The following NSL1 variants were observed in gnomAD, a reference collection of about 807,000 sequenced individuals.
The protein encoded by NSL1 is NSL1 component of MIS12 kinetochore complex.
NSL1 carries 11 observed loss-of-function variants against 25.4 expected under a neutral mutation model. The observed-to-expected ratio is 0.43, with a 90% confidence interval of 0.27 to 0.72. The LOEUF (loss-of-function observed/expected upper bound fraction) is 0.72. Ranked by LOEUF, NSL1 falls within the 30% of genes least tolerant of loss-of-function variation. The probability of loss-of-function intolerance (pLI) is 0.19; values close to 1 mark genes in which losing one functional copy is unlikely to be tolerated. For missense variants in NSL1, 330 were observed against 342.7 expected (o/e 0.96, Z 0.29); for synonymous variants, 118 against 120.6 (o/e 0.98, Z 0.14).
chr1:212,776,078 G>A (rs1190534109), intron 4 of NSL1, among the ~76,000 whole-genome samples: 39 of 152,098 alleles, frequency 2.6e-4, no homozygotes, highest in Non-Finnish European at 2.9e-5. Context: ...GCCTCCCAAA[G>A]TGCTGGGATT....
intron 2 of NSL1, among the ~76,000 whole-genome samples, chr1:212,786,793 GA>G (rs1660966048): frequency 6.6e-6 from 1 of 152,156 alleles, no homozygotes; most frequent in Non-Finnish European, 1.5e-5. Flanking sequence ...AGGTAAGAGT[GA>G]AACTCTGTCT....
chr1:212,779,164 G>A (rs1158966149), intron 4 of NSL1, among the ~76,000 whole-genome samples: 20 of 151,334 alleles, frequency 1.3e-4, no homozygotes, highest in East Asian at 2.0e-4. Flanking sequence ...CCCTCCGCCC[G>A]GCAACCACAC....
In NSL1 at chr1:212,741,011, C is replaced by G. The variant is rs573535864; in HGVS notation, c.500-1410G>C. On this transcript the variant is annotated intron_variant, in intron 4 of 5. Transcript: ENST00000366977. The stretch of plus-strand genomic sequence containing the variant: ...TAACATCACCACTATTACCTACATT[C>G]AAAATGGAAGGAAATGCTAAATTTC... Among the ~76,000 whole-genome samples, 11 of 152,160 alleles carry G rather than the reference C, an allele frequency of 7.2e-5. No individual in the cohort carries two copies. In the East Asian group the frequency reaches 2.1e-3, roughly 29 times the overall value.
intron 4 of NSL1, among the ~76,000 whole-genome samples, chr1:212,766,606 C>A (rs1193381173): frequency 1.3e-5 from 2 of 149,330 alleles, no homozygotes; most frequent in Non-Finnish European, 3.0e-5. Context: ...GATCGTGCCA[C>A]TGCACTCCAG....
At chr1:212,782,801 A>AT (rs1340557896) in intron 3 of NSL1, among the ~76,000 whole-genome samples, 1 of 152,234 alleles carries the variant, frequency 6.6e-6, no homozygotes, top group East Asian at 1.9e-4. Context: ...CTCAAAATGC[A>AT]TATTTCCATG....
chr1:212,768,997 G>A (rs899689983), intron 4 of NSL1, among the ~76,000 whole-genome samples: 2 of 151,960 alleles, frequency 1.3e-5, no homozygotes, highest in African/African-American at 4.8e-5. Context: ...AGTAAGCTAT[G>A]ATCACTCCAC....
intron 2 of NSL1, 45 bp from the exon 3 acceptor site, chr1:212,784,538 T>C: frequency 7.9e-7 from 1 of 1,273,382 alleles, no homozygotes; most frequent in Non-Finnish European, 1.1e-6. Flanking sequence ...TCCCTAAAAC[T>C]CATTGTTTAC....
At chr1:212,779,762 G>A (rs1571915745) in intron 4 of NSL1, among the ~76,000 whole-genome samples, 1 of 109,862 alleles carries the variant, frequency 9.1e-6, no homozygotes. Context: ...CCAGCCAGCC[G>A]CCCCGTCCGG....
At chr1:212,772,901 A>G (rs1346864331) in intron 4 of NSL1, among the ~76,000 whole-genome samples, 1 of 152,220 alleles carries the variant, frequency 6.6e-6, no homozygotes, top group Non-Finnish European at 1.5e-5. Flanking sequence ...AGGTATTTAT[A>G]GCCACTGATT....
chr1:212,771,133 G>C (rs1660086690), intron 4 of NSL1, among the ~76,000 whole-genome samples: 1 of 152,096 alleles, frequency 6.6e-6, no homozygotes, highest in Non-Finnish European at 1.5e-5. Context: ...GACCAACATG[G>C]AGAAACCCCA....
chr1:212,739,611 C>T lies in NSL1; in HGVS notation c.500-10G>A. On this transcript the variant is annotated splice_polypyrimidine_tract_variant and intron_variant, in intron 4 of 5. Coordinates refer to ENST00000366977, the MANE Select transcript of NSL1 (RefSeq NM_015471.4). Reference sequence around the variant, plus strand: ...TTTTCCATATGAGGGGCTGCAAAAACATTGCCAAACAGTATTTTAGGTTTT... The same window carrying T: ...TTTTCCATATGAGGGGCTGCAAAAATATTGCCAAACAGTATTTTAGGTTTT... The T allele has an allele frequency of 6.2e-7, 1 of 1,612,380 alleles. No individual in the cohort carries two copies. The highest frequency in any genetic ancestry group is 2.2e-5 in the East Asian group (1 of 44,762).
At chr1:212,779,023 G>A (rs1343461549) in intron 4 of NSL1, among the ~76,000 whole-genome samples, 2 of 150,148 alleles carry the variant, frequency 1.3e-5, no homozygotes, top group East Asian at 3.9e-4. Flanking sequence ...CCCATCGTCT[G>A]AGATGTGGGG....
Position 212,752,231 on chromosome 1 carries a change from T to C in NSL1, c.500-12630A>G, listed in dbSNP as rs1659097592. On this transcript the variant is annotated intron_variant, in intron 4 of 5. Coordinates refer to ENST00000366977, the MANE Select transcript of NSL1 (RefSeq NM_015471.4). ...TAAGGTTTAATAAGCCTGTAAAGGG[T>C]TGCCTAGAAACATATTTATTTATTT... is the stretch of plus-strand genomic sequence containing the variant. Among the ~76,000 whole-genome samples the C allele has an allele frequency of 3.9e-5, 6 of 152,242 alleles. No homozygotes were observed. In the South Asian group the frequency reaches 1.2e-3, roughly 31 times the overall value.
At chr1:212,780,067 GA>G (rs1156493979) in intron 4 of NSL1, among the ~76,000 whole-genome samples, 2 of 152,080 alleles carry the variant, frequency 1.3e-5, no homozygotes, top group Non-Finnish European at 2.9e-5. Flanking sequence ...AGAAAGGGGG[GA>G]AAGGTGGGGA....
chr1:212,750,658 G>A lies in NSL1; in HGVS notation c.500-11057C>T, dbSNP rs182076128. ...AGAAAACAAAGCAAACAGAAAAATA[G>A]GCCAGGTATGGTGAGCCACACCTGT... On this transcript the variant is annotated intron_variant, in intron 4 of 5. Transcript: ENST00000366977. Among the ~76,000 whole-genome samples, 6 of 152,312 alleles carry A rather than the reference G, an allele frequency of 3.9e-5. No homozygotes were observed. In the East Asian group the frequency reaches 7.7e-4, roughly 20 times the overall value.
chr1:212,787,415 A>C, intron 2 of NSL1, 144 bp downstream of exon 2: 1 of 543,146 alleles, frequency 1.8e-6, no homozygotes, highest in Non-Finnish European at 3.3e-6. Context: ...TTGAAGTCAT[A>C]ATCTCAGTTC....
intron 1 of NSL1, among the ~76,000 whole-genome samples, chr1:212,790,420 C>G (rs1183127461): frequency 6.6e-6 from 1 of 152,110 alleles, no homozygotes; most frequent in Non-Finnish European, 1.5e-5. Flanking sequence ...TAAGATCATA[C>G]ATTTGCCTCT....
Position 212,736,022 on chromosome 1 carries a change from C to CT in NSL1, c.*2385dup. On this transcript the variant is annotated 3_prime_UTR_variant, in exon 6 of 6. Coordinates refer to ENST00000366977, the MANE Select transcript of NSL1 (RefSeq NM_015471.4). Reference sequence around the variant, plus strand: ...GTGTTCTCTCTTCTTTGGGACTAGACTTAACCTTCTTGTGTTCTTCTTATT... The same window carrying CT: ...GTGTTCTCTCTTCTTTGGGACTAGACTTTAACCTTCTTGTGTTCTTCTTATT... 3.0e-6 allele frequency: 3 copies of CT among 985,374 alleles called. No individual in the cohort carries two copies. The South Asian group carries it at 1.4e-4, about 46-fold the overall frequency. 61.0% of individuals were successfully genotyped at this position (985,374 alleles called of 1,614,324 possible). A position where few individuals can be genotyped will look rare whatever the true frequency, so the allele number is the denominator to read the frequency against.
chr1:212,761,971 TA>T (rs34216305), intron 4 of NSL1, among the ~76,000 whole-genome samples: 46,246 of 105,490 alleles, frequency 0.44, 9,307 homozygotes, highest in Non-Finnish European at 0.5. Flanking sequence ...GCTGATGAGC[TA>T]AAAAAAAAAA....
Sources: gnomAD v4.1 joint callset for allele counts (sites outside exome capture counted in the v4.1 genomes callset) on GRCh38, gnomAD v4.1.1 for gene constraint, MANE v1.5 for transcripts, NCBI Gene and HGNC (gene_info 2026-07-23, HGNC 2026-07-21) for gene names.